The following CNR2 variants were observed in gnomAD, a reference collection of about 807,000 sequenced individuals.
The protein encoded by CNR2 is cannabinoid receptor 2 (macrophage).
For missense variants in CNR2, 379 were observed against 439.9 expected (o/e 0.86, Z 1.24); for synonymous variants, 172 against 182.2 (o/e 0.94, Z 0.45).
In CNR2 at chr1:23,888,891, C is replaced by A. The variant is rs1388330424; in HGVS notation, c.-45-13229G>T. On this transcript the variant is annotated intron_variant, in intron 1 of 1. Coordinates refer to ENST00000374472, the MANE Select transcript of CNR2 (RefSeq NM_001841.3). ...GGCTGAAGTACGAGAATCACTTGAA[C>A]CCAGGAGGCAGAGGTTGCAGTGAGC... Among the ~76,000 whole-genome samples the A allele has an allele frequency of 2.0e-5, 3 of 152,052 alleles. No homozygotes were observed. In the East Asian group the frequency reaches 5.8e-4, roughly 29 times the overall value.
At chr1:23,898,241 G>A (rs528283051) in intron 1 of CNR2, among the ~76,000 whole-genome samples, 3 of 151,566 alleles carry the variant, frequency 2.0e-5, no homozygotes, top group South Asian at 4.2e-4. Context: ...GTTTCACCAT[G>A]TTAGCCAGGA....
At chr1:23,891,366 C>A (rs2502962) in intron 1 of CNR2, among the ~76,000 whole-genome samples, 1 of 151,574 alleles carries the variant, frequency 6.6e-6, no homozygotes, top group Non-Finnish European at 1.5e-5. Flanking sequence ...CACCTATAAT[C>A]CCAGCACTTT....
intron 1 of CNR2, among the ~76,000 whole-genome samples, chr1:23,898,442 C>T (rs1380644748): frequency 7.2e-6 from 1 of 139,068 alleles, no homozygotes; most frequent in African/African-American, 2.7e-5. Flanking sequence ...TCCAGGTTCA[C>T]ACCATTCTCC....
In CNR2 at chr1:23,874,208, G is replaced by GGCAGC. The variant is rs1392289571; in HGVS notation, c.*326_*327insGCTGC. ...GATTTCTCCCAAGTCCCTCATTGCT[G>GGCAGC]GGCCTGGAGGCTCGCTTTGGCTCCT... On this transcript the variant is annotated 3_prime_UTR_variant, in exon 2 of 2. Transcript: ENST00000374472. 4.5e-6 allele frequency: 1 copy of GGCAGC among 221,934 alleles called. No homozygotes were observed. The highest frequency in any genetic ancestry group is 2.2e-5 in the African/African-American group (1 of 44,700). 13.7% of individuals were successfully genotyped at this position (221,934 alleles called of 1,614,324 possible).
intron 1 of CNR2, among the ~76,000 whole-genome samples, chr1:23,904,190 T>G (rs1570722131): frequency 1.3e-5 from 2 of 150,962 alleles, no homozygotes; most frequent in South Asian, 4.2e-4. Context: ...TTTTTTTTTT[T>G]TTTTTGGAGT....
chr1:23,881,158 C>T (rs1639980337), intron 1 of CNR2, among the ~76,000 whole-genome samples: 1 of 151,688 alleles, frequency 6.6e-6, no homozygotes, highest in South Asian at 2.1e-4. Flanking sequence ...CACCTGTAAT[C>T]CCAGCTACTC....
At position 23,877,371 on chromosome 1, in the gene CNR2, C is replaced by T. The variant is rs189432973; in HGVS notation, c.-45-1709G>A. The stretch of plus-strand genomic sequence containing the variant: ...GATCTGGTGGCCGGGCACGGTGGCT[C>T]ACGCCTGTAATCCCAGCACTTTGGG... On this transcript the variant is annotated intron_variant, in intron 1 of 1. Coordinates refer to ENST00000374472, the MANE Select transcript of CNR2 (RefSeq NM_001841.3). Among the ~76,000 whole-genome samples the T allele has an allele frequency of 7.1e-3, 1,083 of 151,886 alleles. 16 individuals are homozygous for T. The highest frequency in any genetic ancestry group is 0.025 in the African/African-American group (1,044 of 41,446).
At chr1:23,879,227 G>A (rs1303506217) in intron 1 of CNR2, among the ~76,000 whole-genome samples, 1 of 152,010 alleles carries the variant, frequency 6.6e-6, no homozygotes, top group Non-Finnish European at 1.5e-5. Context: ...CTGGGAGGCA[G>A]AGGTTGCAGT....
intron 1 of CNR2, among the ~76,000 whole-genome samples, chr1:23,895,835 A>T (rs1220410749): frequency 6.6e-6 from 1 of 152,038 alleles, no homozygotes; most frequent in Non-Finnish European, 1.5e-5. Context: ...ACAAGGTCAG[A>T]TTGGTAAAGA....
At chr1:23,883,036 A>G (rs1317509289) in intron 1 of CNR2, among the ~76,000 whole-genome samples, 1 of 152,192 alleles carries the variant, frequency 6.6e-6, no homozygotes, top group Non-Finnish European at 1.5e-5. Context: ...ATTATAAAAT[A>G]GATGACCACA....
intron 1 of CNR2, among the ~76,000 whole-genome samples, chr1:23,889,975 C>T (rs1000029053): frequency 1.7e-4 from 26 of 151,974 alleles, no homozygotes; most frequent in African/African-American, 6.0e-4. Flanking sequence ...TTATAGTGTT[C>T]TTACAGGATT....
intron 1 of CNR2, among the ~76,000 whole-genome samples, chr1:23,890,878 C>CT (rs1553141300): frequency 5.5e-5 from 2 of 36,372 alleles, no homozygotes; most frequent in African/African-American, 9.4e-5. Context: ...TGGTCTTCTT[C>CT]TTCTTTTTTT....
intron 1 of CNR2, among the ~76,000 whole-genome samples, chr1:23,911,376 T>C (rs1377868079): frequency 1.3e-5 from 2 of 152,118 alleles, no homozygotes; most frequent in Non-Finnish European, 1.5e-5. Flanking sequence ...ACTCCAGGCA[T>C]GCCAGGGAAG....
At chr1:23,912,787 C>T (rs1297067528) in intron 1 of CNR2, among the ~76,000 whole-genome samples, 4 of 152,172 alleles carry the variant, frequency 2.6e-5, no homozygotes, top group Non-Finnish European at 5.9e-5. Context: ...CTCCACAACC[C>T]CAGGTGTCCT....
chr1:23,899,567 G>A (rs907918709), intron 1 of CNR2, among the ~76,000 whole-genome samples: 3 of 151,412 alleles, frequency 2.0e-5, no homozygotes, highest in African/African-American at 7.3e-5. Flanking sequence ...TGTAATCCCA[G>A]CACTTTGGGA....
chr1:23,890,608 G>A (rs1640171736), intron 1 of CNR2, among the ~76,000 whole-genome samples: 1 of 151,912 alleles, frequency 6.6e-6, no homozygotes, highest in African/African-American at 2.4e-5. Context: ...AGCCGGGCGT[G>A]GTGGTGCACT....
chr1:23,875,531 A>T lies in CNR2; in HGVS notation c.87T>A (p.Ser29Arg), dbSNP rs750464246. 6.2e-7 allele frequency: 1 copy of T among 1,613,958 alleles called. No homozygotes were observed. Reference protein sequence around the residue: ...SNPMKDYMILSGPQKTAVAVL... With the variant: ...SNPMKDYMILRGPQKTAVAVL... ...CAGCAACAGCTGTCTTCTGGGGACC[A>T]CTCAGGATCATGTAATCCTTCATAG... Residue 29 changes from serine (S) to arginine (R), a missense_variant, in exon 2 of 2, where the codon AGT (serine) becomes AGA (arginine). Physicochemically the swap from Ser to Arg is moderately radical, Grantham distance 110. Coordinates refer to ENST00000374472, the MANE Select transcript of CNR2 (RefSeq NM_001841.3).
chr1:23,874,496 A>C lies in CNR2; in HGVS notation c.*39T>G, dbSNP rs763896316. The C allele has an allele frequency of 1.3e-5, 21 of 1,581,184 alleles. No individual in the cohort carries two copies. Among genetic ancestry groups the C allele is most frequent in the African/African-American group, 2.7e-5 (2 of 73,674 alleles). On this transcript the variant is annotated 3_prime_UTR_variant, in exon 2 of 2. Transcript: ENST00000374472. ...TCTCTCTCTTCCAGGGAGTGAACTG[A>C]TTTCTGACTTGAGTTGTTTAAATTG...
At chr1:23,895,902 T>C (rs1336492811) in intron 1 of CNR2, among the ~76,000 whole-genome samples, 1 of 152,148 alleles carries the variant, frequency 6.6e-6, no homozygotes, top group Non-Finnish European at 1.5e-5. Flanking sequence ...CCACGCACAA[T>C]CTTTTGTCTT....
Sources: allele counts gnomAD v4.1 joint callset (sites outside exome capture counted in the v4.1 genomes callset), GRCh38; gene constraint gnomAD v4.1.1; transcripts MANE v1.5; gene names NCBI Gene and HGNC (gene_info 2026-07-23, HGNC 2026-07-21).